The following HLA-DPA1 variants were observed in gnomAD, a reference collection of about 807,000 sequenced individuals.
The protein encoded by HLA-DPA1 is HLA class II histocompatibility antigen, DP alpha 1 chain.
A neutral mutation model predicts 21.5 loss-of-function variants in HLA-DPA1; 20 were observed. The observed-to-expected ratio is 0.93, with a 90% confidence interval of 0.66 to 1.35. The LOEUF (loss-of-function observed/expected upper bound fraction) is 1.35, where lower values mean the gene tolerates loss of function less well. Among genes scored for constraint, HLA-DPA1 ranks in the 40% most tolerant of loss-of-function variants. The pLI, the probability that HLA-DPA1 is intolerant of heterozygous loss-of-function variation, is 0.00. For synonymous variants in HLA-DPA1, 123 were observed against 129.6 expected (o/e 0.95, Z 0.35); for missense variants, 279 against 323.0 (o/e 0.86, Z 1.05).
chr6:33,068,416 C>T (rs1263935302), intron 5 of HLA-DPA1: 1 of 464,786 alleles, frequency 2.2e-6, no homozygotes, highest in Non-Finnish European at 3.8e-6. Context: ...AATAATAGTA[C>T]CTACCTCAAA....
chr6:33,073,283 G>T (rs1354424039), intron 2 of HLA-DPA1, among the ~76,000 whole-genome samples, 188 bp downstream of exon 1: 2 of 152,220 alleles, frequency 1.3e-5, no homozygotes, highest in Non-Finnish European at 2.9e-5. Context: ...AATGGGGAAA[G>T]AAACTATGCA....
chr6:33,068,555 G>T, intron 5 of HLA-DPA1, 83 bp downstream of exon 4: 2 of 1,122,250 alleles, frequency 1.8e-6, no homozygotes, highest in Non-Finnish European at 2.6e-6. Flanking sequence ...CCCATTAGAA[G>T]ATCAATGAAC....
At chr6:33,076,386 T>C (rs999901005) in intron 1 of HLA-DPA1, among the ~76,000 whole-genome samples, 4 of 152,258 alleles carry the variant, frequency 2.6e-5, no homozygotes, top group Admixed American at 6.5e-5. Context: ...TCAGTGTCTT[T>C]GGGGAAAATG....
intron 3 of HLA-DPA1, 158 bp downstream of exon 2, chr6:33,069,483 G>A (rs1377789211): frequency 9.2e-7 from 1 of 1,081,970 alleles, no homozygotes; most frequent in South Asian, 1.5e-5. Flanking sequence ...TGAGAAGAGA[G>A]GATGCAAGCC....
chr6:33,065,497 T>C (rs2071362), intron 5 of HLA-DPA1, 150 bp from the exon 5 acceptor site: 24,259 of 152,214 alleles, frequency 0.16, 2,113 homozygotes, highest in Middle Eastern at 0.22. Flanking sequence ...CATGCCCTGG[T>C]CCTCCAGGTG....
At chr6:33,075,186 T>C (rs1762477370) in intron 1 of HLA-DPA1, among the ~76,000 whole-genome samples, 1 of 152,358 alleles carries the variant, frequency 6.6e-6, no homozygotes, top group South Asian at 2.1e-4. Context: ...ATTTATATTC[T>C]CTATGGACTT....
chr6:33,076,977 T>G (rs1181436217), intron 1 of HLA-DPA1, among the ~76,000 whole-genome samples: 1 of 152,084 alleles, frequency 6.6e-6, no homozygotes, highest in Non-Finnish European at 1.5e-5. Context: ...CGTGCAGGTT[T>G]GTTACATATG....
At position 33,080,586 on chromosome 6, in the gene HLA-DPA1, G is replaced by A; in HGVS notation, c.-100+94C>T. ...TCCAGCCCTGGGTGGGAAGATTTGG[G>A]AAGAATCGTTAATATTGAGAGAGAG... On this transcript the variant is annotated intron_variant, in intron 1 of 5. Coordinates refer to ENST00000419277, the Ensembl canonical transcript of HLA-DPA1. The surrounding 1 kb of genome is among the most constrained non-coding windows in gnomAD (Gnocchi z 4.3). The A allele has an allele frequency of 6.3e-7, 1 of 1,585,814 alleles. No homozygotes were observed. Among genetic ancestry groups the A allele is most frequent in the Admixed American group, 1.7e-5 (1 of 59,566 alleles).
intron 1 of HLA-DPA1, chr6:33,076,128 C>T: frequency 1.2e-6 from 2 of 1,609,222 alleles, no homozygotes; most frequent in Non-Finnish European, 1.7e-6. Flanking sequence ...TGGTCCAGGG[C>T]AGGGCCACTC....
rs17221073 is a variant in HLA-DPA1, at chr6:33,080,594, G to T, written c.-100+86C>A. The T allele has an allele frequency of 6.3e-7, 1 of 1,592,578 alleles. No individual in the cohort carries two copies. Among genetic ancestry groups the T allele is most frequent in the African/African-American group, 1.3e-5 (1 of 74,308 alleles). ...TGGGTGGGAAGATTTGGGAAGAATC[G>T]TTAATATTGAGAGAGAGAGGGAGAA... On this transcript the variant is annotated intron_variant, in intron 1 of 5. Transcript: ENST00000419277. The surrounding 1 kb of genome is among the most constrained non-coding windows in gnomAD (Gnocchi z 4.3).
At chr6:33,069,189 A>G in exon 4 of HLA-DPA1, 1 of 1,612,964 alleles carries the variant, frequency 6.2e-7, no homozygotes, top group Non-Finnish European at 8.5e-7. Flanking sequence ...CCCGTTGCAC[A>G]GCCACGTGAC....
chr6:33,071,361 G>C (rs1762273859), intron 2 of HLA-DPA1, among the ~76,000 whole-genome samples: 1 of 152,180 alleles, frequency 6.6e-6, no homozygotes, highest in African/African-American at 2.4e-5. Flanking sequence ...TCAGGAAAAA[G>C]AGGGTAAAAT....
At position 33,073,248 on chromosome 6, in the gene HLA-DPA1, T is replaced by C. The variant is rs145983946; in HGVS notation, c.100+223A>G. 4.7e-3 allele frequency among the ~76,000 whole-genome samples: 723 copies of C among 152,356 alleles called. 2 individuals carry two copies. The highest frequency in any genetic ancestry group is 0.017 in the African/African-American group (687 of 41,570). On this transcript the variant is annotated intron_variant, in intron 2 of 5. Transcript: ENST00000419277. ...TTTCTAAATGAATGGAATATTATCT[T>C]CATTGAAGATTCCTGTGAGATGTAA...
chr6:33,079,086 C>T (rs762972134), intron 1 of HLA-DPA1, among the ~76,000 whole-genome samples: 1 of 152,200 alleles, frequency 6.6e-6, no homozygotes, highest in Non-Finnish European at 1.5e-5. Context: ...GCCCTTGAGC[C>T]CAGCCCTACC....
chr6:33,080,236 T>G lies in HLA-DPA1; in HGVS notation c.-100+444A>C. 3.0e-6 allele frequency: 1 copy of G among 330,572 alleles called. No individual in the cohort carries two copies. The allele number at this position is 330,572 out of a possible 1,614,324, so 20.5% of individuals were successfully genotyped here. A position where few individuals can be genotyped will look rare whatever the true frequency, so the allele number is the denominator to read the frequency against. ...GGAGGGCTTCCTGGAGGAGGTGGCA[T>G]TTGAACCAGGACTGACATCAGGATG... On this transcript the variant is annotated intron_variant, in intron 1 of 5. Coordinates refer to ENST00000419277, the Ensembl canonical transcript of HLA-DPA1. This position sits in a 1 kb window ranked among gnomAD's most constrained non-coding sequence, Gnocchi z 4.3.
At chr6:33,077,818 G>A (rs1221474871) in intron 1 of HLA-DPA1, among the ~76,000 whole-genome samples, 1 of 152,080 alleles carries the variant, frequency 6.6e-6, no homozygotes, top group Admixed American at 6.5e-5. Context: ...CATCTTTCAG[G>A]GTAGCAAGGT....
rs146510176 is a variant in HLA-DPA1 at position 33,071,619 on chromosome 6, C to G, written c.101-1733G>C. ...AATACCCAAATAAAAATAATACATA[C>G]GTCCTGTTCTGCAGACGCGTATAAG... On this transcript the variant is annotated intron_variant, in intron 2 of 5. Transcript: ENST00000419277. Among the ~76,000 whole-genome samples, 306 of 152,010 alleles carry G rather than the reference C, an allele frequency of 2.0e-3. 1 individual carries two copies. The highest frequency in any genetic ancestry group is 0.018 in the East Asian group (90 of 5,138).
chr6:33,069,616 A>G (rs375069268), intron 3 of HLA-DPA1, 25 bp downstream of exon 2: 104 of 1,610,274 alleles, frequency 6.5e-5, no homozygotes, highest in Non-Finnish European at 8.1e-5. Flanking sequence ...TGGGCTACAG[A>G]GGAAGAGGCA....
At position 33,080,685 on chromosome 6, in the gene HLA-DPA1, C is replaced by A. The variant is rs1762793706; in HGVS notation, c.-105G>T. ...CCCTCCCCGCAGAGAATTACCTTTT[C>A]CAGGGACGGCAGGAATGCTACGCGT... On this transcript the variant is annotated 5_prime_UTR_variant, in exon 1 of 6. Coordinates refer to ENST00000419277, the Ensembl canonical transcript of HLA-DPA1. The surrounding 1 kb of genome is among the most constrained non-coding windows in gnomAD (Gnocchi z 4.3). 1.9e-6 allele frequency: 3 copies of A among 1,612,510 alleles called. No homozygotes were observed. In the African/African-American group the frequency reaches 4.0e-5, roughly 22 times the overall value.
Sources: allele counts gnomAD v4.1 joint callset (sites outside exome capture counted in the v4.1 genomes callset), GRCh38; gene constraint gnomAD v4.1.1; non-coding constraint Gnocchi (gnomAD v3.1); transcripts MANE v1.5; gene names NCBI Gene and HGNC (gene_info 2026-07-23, HGNC 2026-07-21).